JADE3: variants seen among roughly 807,000 people sequenced by gnomAD.
JADE3 encodes jade family PHD finger 3, also known as protein Jade-3.
Under a neutral mutation model 50.1 loss-of-function variants are expected in JADE3, and 2 were observed. The observed-to-expected ratio is 0.04, with a 90% CI of 0.02 to 0.13. JADE3 has a LOEUF of 0.13. Among genes scored for constraint, JADE3 ranks in the 10% least tolerant of loss-of-function variants. The pLI, the probability that JADE3 is intolerant of heterozygous loss-of-function variation, is 1.00. For missense variants in JADE3, 475 were observed against 634.4 expected, an observed-to-expected ratio of 0.75 and a Z score of 2.70; for synonymous variants, 218 against 232.9, an observed-to-expected ratio of 0.94 and a Z score of 0.58.
chrX:47,000,696 G>T (rs1928261535), intron 4 of JADE3, among the ~76,000 whole-genome samples: 1 of 110,785 alleles, frequency 9.0e-6, no homozygotes, highest in Admixed American at 9.7e-5. Context: ...GGGGTTACAG[G>T]CATGTGCCAC....
At chrX:46,913,573 TTTG>T (rs2147099141) in intron 1 of JADE3, among the ~76,000 whole-genome samples, 1 of 111,296 alleles carries the variant, frequency 9.0e-6, no homozygotes, top group East Asian at 2.8e-4. Context: ...TTTGTTTTGT[TTTG>T]TTTTTTGTTT....
At chrX:47,022,698 C>T (rs1277185510) in intron 4 of JADE3, among the ~76,000 whole-genome samples, 2 of 111,602 alleles carry the variant, frequency 1.8e-5, no homozygotes, top group Non-Finnish European at 3.8e-5. Flanking sequence ...GATGGACCAC[C>T]TTGTTCTTTA....
chrX:47,017,844 A>G (rs781841783), intron 4 of JADE3, among the ~76,000 whole-genome samples: 1 of 111,832 alleles, frequency 8.9e-6, no homozygotes, highest in African/African-American at 3.2e-5. Flanking sequence ...TGTCAATTCA[A>G]CAGTTCCACT....
chrX:46,975,274 G>A (rs782040933), intron 1 of JADE3, among the ~76,000 whole-genome samples: 2 of 112,194 alleles, frequency 1.8e-5, no homozygotes, highest in Admixed American at 9.5e-5. Flanking sequence ...AATCATTTGG[G>A]AGTGACATGG....
intron 3 of JADE3, among the ~76,000 whole-genome samples, chrX:46,995,572 T>G (rs1478340233): frequency 8.9e-6 from 1 of 112,290 alleles, no homozygotes; most frequent in Non-Finnish European, 1.9e-5. Context: ...GTGCCACTTC[T>G]GTATATAAAA....
At chrX:46,979,236 A>C (rs1556352309) in intron 1 of JADE3, among the ~76,000 whole-genome samples, 1 of 112,381 alleles carries the variant, frequency 8.9e-6, no homozygotes, top group Non-Finnish European at 1.9e-5. Flanking sequence ...AATTTTGCCT[A>C]TTCTTTAAAA....
intron 1 of JADE3, among the ~76,000 whole-genome samples, chrX:46,967,988 T>C (rs1556349356): frequency 1.8e-5 from 2 of 111,712 alleles, no homozygotes; most frequent in Non-Finnish European, 3.8e-5. Flanking sequence ...AAAATAGATA[T>C]ACTTCCTTGT....
intron 1 of JADE3, among the ~76,000 whole-genome samples, chrX:46,950,905 C>T (rs1926987223): frequency 9.1e-6 from 1 of 109,719 alleles, no homozygotes; most frequent in East Asian, 2.9e-4. Context: ...TATTTATTAC[C>T]AAGAGTGGAA....
intron 1 of JADE3, among the ~76,000 whole-genome samples, chrX:46,974,471 A>G (rs991374873): frequency 3.6e-5 from 4 of 111,559 alleles, no homozygotes; most frequent in African/African-American, 9.8e-5. Context: ...GATATAAGAA[A>G]CATGCTGCTC....
intron 6 of JADE3, among the ~76,000 whole-genome samples, chrX:47,032,781 C>T (rs1372452631): frequency 1.8e-5 from 2 of 110,507 alleles, no homozygotes; most frequent in Non-Finnish European, 3.8e-5. Flanking sequence ...GTGGGGGGAC[C>T]GATATTATGG....
At chrX:46,977,318 C>T (rs1397860913) in intron 1 of JADE3, among the ~76,000 whole-genome samples, 1 of 111,936 alleles carries the variant, frequency 8.9e-6, no homozygotes, top group Non-Finnish European at 1.9e-5. Context: ...GAGATTGCAC[C>T]ACTGCACTCT....
At chrX:46,947,732 T>G (rs1556343841) in intron 1 of JADE3, among the ~76,000 whole-genome samples, 2 of 111,475 alleles carry the variant, frequency 1.8e-5, no homozygotes, top group African/African-American at 6.5e-5. Context: ...TCTTTCATAA[T>G]AAAAATCTGC....
At chrX:46,936,400 G>A (rs1258054846) in intron 1 of JADE3, among the ~76,000 whole-genome samples, 1 of 111,613 alleles carries the variant, frequency 9.0e-6, no homozygotes, top group East Asian at 2.8e-4. Flanking sequence ...ATATTTTGTT[G>A]GAGGTGTTTG....
At chrX:46,916,869 G>C (rs1169664365) in intron 1 of JADE3, among the ~76,000 whole-genome samples, 1 of 111,410 alleles carries the variant, frequency 9.0e-6, no homozygotes, top group Non-Finnish European at 1.9e-5. Context: ...CACCATCCTG[G>C]TTAAGGATCT....
chrX:47,022,728 A>G (rs1354960582), intron 4 of JADE3, among the ~76,000 whole-genome samples: 1 of 111,697 alleles, frequency 9.0e-6, no homozygotes, highest in Non-Finnish European at 1.9e-5. Flanking sequence ...CAGAATAATA[A>G]TCCAGATTTT....
At position 46,998,168 on chromosome X, in the gene JADE3, C is replaced by T. The variant is rs1556357924; in HGVS notation, c.175C>T (p.His59Tyr). ...TGCCATGAAACTTCCAGATTCTCAC[C>T]ACATTAATCCTGATAGCTATTACCT... ...ISAMKLPDSH[H>Y]INPDSYYLFA... Residue 59 changes from histidine to tyrosine, a missense_variant, in exon 4 of 11, where the codon CAC becomes TAC. Physicochemically the swap from His to Tyr is moderately conservative, Grantham distance 83 (BLOSUM62 2). Around this residue, in one of 6 missense-constraint regions of JADE3, gnomAD observed 12 missense variants for 35.0 expected, o/e 0.34. Coordinates refer to ENST00000614628, the MANE Select transcript of JADE3 (RefSeq NM_014735.5). 1 of 1,203,413 alleles carries T rather than the reference C, an allele frequency of 8.3e-7. No individual in the cohort carries two copies. The highest frequency in any genetic ancestry group is 1.1e-6 in the Non-Finnish European group (1 of 888,681).
At chrX:46,983,419 G>T (rs1201946463) in intron 1 of JADE3, among the ~76,000 whole-genome samples, 1 of 111,054 alleles carries the variant, frequency 9.0e-6, no homozygotes, top group African/African-American at 3.3e-5. Flanking sequence ...TGGTATTCTT[G>T]GTGGCACAAC....
intron 4 of JADE3, among the ~76,000 whole-genome samples, chrX:47,020,710 T>C (rs1316313005): frequency 8.9e-6 from 1 of 112,561 alleles, no homozygotes; most frequent in East Asian, 2.8e-4. Flanking sequence ...ATTATCATTA[T>C]TGTAAATTTT....
At chrX:46,922,817 C>A (rs923919121) in intron 1 of JADE3, among the ~76,000 whole-genome samples, 1 of 111,383 alleles carries the variant, frequency 9.0e-6, no homozygotes, top group Non-Finnish European at 1.9e-5. Flanking sequence ...GTCTCAACAT[C>A]TGCATTTACT....
Sources: allele counts gnomAD v4.1 joint callset (sites outside exome capture counted in the v4.1 genomes callset), GRCh38; gene constraint gnomAD v4.1.1; regional missense constraint gnomAD v4.1.1; transcripts MANE v1.5; gene names NCBI Gene and HGNC (gene_info 2026-07-23, HGNC 2026-07-21).